The following MROH1 variants were observed in gnomAD, a reference collection of about 807,000 sequenced individuals.
The protein encoded by MROH1 is maestro heat like repeat family member 1, also known as maestro heat-like repeat-containing protein family member 1.
A neutral mutation model predicts 116.5 loss-of-function variants in MROH1; 117 were observed. The ratio of observed to expected loss-of-function variants is 1.00; its 90% CI spans 0.86 to 1.17. The LOEUF (loss-of-function observed/expected upper bound fraction) is 1.17, where lower values mean the gene tolerates loss of function less well. MROH1 is among the 50% of genes most tolerant of loss of function. The probability of loss-of-function intolerance (pLI) is 0.00; values close to 1 mark genes in which losing one functional copy is unlikely to be tolerated. For missense variants in MROH1, 1,873 were observed against 1,338.5 expected, an observed-to-expected ratio of 1.40 and a Z score of -6.23; for synonymous variants, 921 against 583.9, an observed-to-expected ratio of 1.58 and a Z score of -8.32.
Position 144,243,855 on chromosome 8 carries a change from T to C in MROH1, c.2476-8T>C. ...CCAAGGGCTGAGTCATGCACCTGCC[T>C]CACCCAGGAGTTCATCAGGGCAGAG... On this transcript the variant is annotated splice_region_variant and splice_polypyrimidine_tract_variant and intron_variant, in intron 25 of 43. Coordinates refer to ENST00000326134, the MANE Select transcript of MROH1 (RefSeq NM_032450.3). The C allele has an allele frequency of 1.3e-6, 1 of 778,388 alleles. No homozygotes were observed. The highest frequency in any genetic ancestry group is 1.3e-5 in the South Asian group (1 of 74,092). 48.2% of individuals were successfully genotyped at this position (778,388 alleles called of 1,614,324 possible). A position where few individuals can be genotyped will look rare whatever the true frequency, so the allele number is the denominator to read the frequency against.
At chr8:144,181,792 G>A (rs1023976297) in intron 7 of MROH1, among the ~76,000 whole-genome samples, 6 of 152,216 alleles carry the variant, frequency 3.9e-5, no homozygotes, top group African/African-American at 1.4e-4. Context: ...GAGACAGAAC[G>A]GGGCCGCTGG....
chr8:144,161,674 G>A (rs1450830586), intron 2 of MROH1, among the ~76,000 whole-genome samples: 2 of 152,198 alleles, frequency 1.3e-5, no homozygotes, highest in Non-Finnish European at 2.9e-5. Context: ...CGCCTGGGCC[G>A]GGAGCAGGCA....
At chr8:144,201,860 T>C (rs964157430) in intron 12 of MROH1, among the ~76,000 whole-genome samples, 50 of 151,272 alleles carry the variant, frequency 3.3e-4, no homozygotes, top group African/African-American at 1.2e-3. Context: ...TAAAAATATA[T>C]ATTAAAAAAA....
At chr8:144,158,780 T>C (rs1818790048) in intron 1 of MROH1, among the ~76,000 whole-genome samples, 1 of 152,038 alleles carries the variant, frequency 6.6e-6, no homozygotes, top group South Asian at 2.1e-4. Flanking sequence ...GTCTCACTCC[T>C]GTCGCTGAGG....
chr8:144,246,901 G>A (rs1842010450), intron 29 of MROH1, among the ~76,000 whole-genome samples: 1 of 152,190 alleles, frequency 6.6e-6, no homozygotes, highest in Admixed American at 6.5e-5. Flanking sequence ...AGGGTGTGAG[G>A]GGGTCTTGTA....
At chr8:144,152,638 C>G (rs973224886) in intron 1 of MROH1, among the ~76,000 whole-genome samples, 4 of 152,164 alleles carry the variant, frequency 2.6e-5, no homozygotes, top group African/African-American at 7.2e-5. Context: ...GCTCCGCCTC[C>G]TGGGTTCATG....
intron 1 of MROH1, among the ~76,000 whole-genome samples, 178 bp from the exon 2 acceptor site, chr8:144,160,792 G>A (rs931996506): frequency 6.6e-6 from 1 of 151,346 alleles, no homozygotes; most frequent in African/African-American, 2.5e-5. Flanking sequence ...GGGTCCCACC[G>A]GCTAGAACCC....
intron 12 of MROH1, among the ~76,000 whole-genome samples, chr8:144,219,639 C>T (rs555406418): frequency 6.6e-6 from 1 of 152,154 alleles, no homozygotes; most frequent in Non-Finnish European, 1.5e-5. Flanking sequence ...TCGCCCCAGA[C>T]GTGACAGGGG....
intron 14 of MROH1, among the ~76,000 whole-genome samples, chr8:144,230,996 G>A (rs1838774738): frequency 7.2e-6 from 1 of 139,066 alleles, no homozygotes; most frequent in African/African-American, 2.7e-5. Flanking sequence ...TGAGATTAGG[G>A]AGTGGTGATG....
intron 10 of MROH1, among the ~76,000 whole-genome samples, chr8:144,195,781 C>T (rs1008575463): frequency 1.3e-5 from 2 of 152,002 alleles, no homozygotes; most frequent in East Asian, 3.9e-4. Context: ...CAGCTCACTG[C>T]AGCCTCGGCC....
chr8:144,245,446 G>A (rs1046980557), intron 29 of MROH1, among the ~76,000 whole-genome samples, 186 bp downstream of exon 29: 2 of 152,250 alleles, frequency 1.3e-5, no homozygotes, highest in Non-Finnish European at 2.9e-5. Context: ...AATAGAGTCC[G>A]TTGTCATCAG....
At chr8:144,225,318 A>AT (rs915364327) in intron 14 of MROH1, among the ~76,000 whole-genome samples, 13 of 152,170 alleles carry the variant, frequency 8.5e-5, no homozygotes, top group South Asian at 8.3e-4. Flanking sequence ...ATAAATATGT[A>AT]TTTTTTTAAC....
chr8:144,197,816 G>A (rs1466323297), intron 10 of MROH1, among the ~76,000 whole-genome samples: 1 of 145,144 alleles, frequency 6.9e-6, no homozygotes, highest in Admixed American at 6.8e-5. Flanking sequence ...ACTCACGCCT[G>A]TAATCCCAGC....
At chr8:144,243,971 G>A (rs1169054136) in intron 26 of MROH1, 29 bp downstream of exon 26, 10 of 774,930 alleles carry the variant, frequency 1.3e-5, no homozygotes, top group East Asian at 2.4e-5. Context: ...GCACAGGCCC[G>A]TGCAGCTGCG....
intron 14 of MROH1, among the ~76,000 whole-genome samples, chr8:144,234,891 C>CTTTTTTTTTTTTTT (rs781998549): frequency 9.7e-6 from 1 of 103,566 alleles, no homozygotes; most frequent in Non-Finnish European, 1.8e-5. Context: ...CTTTTTCTTT[C>CTTTTTTTTTTTTTT]TTTTTTTTTT....
chr8:144,248,963 C>A lies in MROH1; in HGVS notation c.3207C>A (p.Cys1069Ter). ...FEALGDPEKN[C>*]SRAATVMINC... ...CCCTGGGAGACCCCGAAAAGAACTG[C>A]TCCCGAGCAGCTACCGTCATGATCA... Residue 1069 changes from cysteine (C) to a stop codon, truncating the protein, a stop_gained, in exon 32 of 44, where the codon TGC becomes TGA. Transcript: ENST00000326134. LOFTEE classifies it high-confidence loss of function. The A allele has an allele frequency of 1.3e-6, 1 of 747,236 alleles. No individual in the cohort carries two copies. Among genetic ancestry groups the A allele is most frequent in the Non-Finnish European group, 2.5e-6 (1 of 401,328 alleles). 46.3% of individuals were successfully genotyped at this position (747,236 alleles called of 1,614,324 possible). A position where few individuals can be genotyped will look rare whatever the true frequency, so the allele number is the denominator to read the frequency against.
In MROH1 at chr8:144,260,364, T is replaced by A. The variant is rs1844791052; in HGVS notation, c.4370T>A (p.Phe1457Tyr). ...CACGTGGCCATCCGCATCCGGCCTT[T>A]CTTCGACAGTGTAGGCTGGTTGGGG... ...LLHVAIRIRP[F>Y]FDSEKMEFRT... The change falls in exon 39 of 44, where the codon TTC becomes TAC. Residue 1457 changes from phenylalanine (F) to tyrosine (Y), a missense_variant. By Grantham distance (22) the Phe-to-Tyr change is conservative (BLOSUM62 3). Coordinates refer to ENST00000326134, the MANE Select transcript of MROH1 (RefSeq NM_032450.3). 1.4e-6 allele frequency: 1 copy of A among 721,110 alleles called. No individual in the cohort carries two copies. The highest frequency in any genetic ancestry group is 1.9e-5 in the Admixed American group (1 of 51,676). The allele number at this position is 721,110 out of a possible 1,614,324, so 44.7% of individuals were successfully genotyped here. A position where few individuals can be genotyped will look rare whatever the true frequency, so the allele number is the denominator to read the frequency against.
At chr8:144,164,298 G>A (rs1241341399) in intron 3 of MROH1, among the ~76,000 whole-genome samples, 2 of 151,272 alleles carry the variant, frequency 1.3e-5, no homozygotes, top group East Asian at 2.0e-4. Context: ...CCAGCTACTC[G>A]GGAGGCTGAG....
chr8:144,261,349 G>T lies in MROH1; in HGVS notation c.4840G>T (p.Ala1614Ser). The T allele has an allele frequency of 1.4e-6, 1 of 706,136 alleles. No individual in the cohort carries two copies. The allele number at this position is 706,136 out of a possible 1,614,324, so 43.7% of individuals were successfully genotyped here. A position where few individuals can be genotyped will look rare whatever the true frequency, so the allele number is the denominator to read the frequency against. Residue 1614 changes from alanine (A) to serine (S), a missense_variant and splice_region_variant, in exon 43 of 44, where the codon GCG becomes TCG. Coordinates refer to ENST00000326134, the MANE Select transcript of MROH1 (RefSeq NM_032450.3). ...PQVDLDQLIA[A>S]LQILLKDPAP... ...GGTGGACCTGGACCAGCTCATTGCGGGTGAGCACCCCTCCACGGGGCCCCT... is the reference window on the plus strand; with the variant it reads ...GGTGGACCTGGACCAGCTCATTGCGTGTGAGCACCCCTCCACGGGGCCCCT...
Sources: allele counts gnomAD v4.1 joint callset (sites outside exome capture counted in the v4.1 genomes callset), GRCh38; gene constraint gnomAD v4.1.1; transcripts MANE v1.5; gene names NCBI Gene and HGNC (gene_info 2026-07-23, HGNC 2026-07-21).